Variants in PABPC1L observed in about 807,000 individuals in gnomAD.
PABPC1L encodes polyadenylate-binding protein 1-like.
A neutral mutation model predicts 66.6 loss-of-function variants in PABPC1L; 31 were observed. The ratio of observed to expected loss-of-function variants is 0.47; its 90% CI spans 0.35 to 0.63. The LOEUF (loss-of-function observed/expected upper bound fraction) is 0.63. PABPC1L is among the 20% of genes least tolerant of loss of function. The pLI is 0.00. For missense variants in PABPC1L, 722 were observed against 848.8 expected, an observed-to-expected ratio of 0.85 and a Z score of 1.86; for synonymous variants, 348 against 335.1, an observed-to-expected ratio of 1.04 and a Z score of -0.42.
At chr20:44,935,620 T>A in intron 11 of PABPC1L, 123 bp downstream of exon 11, 1 of 695,522 alleles carries the variant, frequency 1.4e-6, no homozygotes, top group Middle Eastern at 4.0e-4. Flanking sequence ...CGTTTATTAA[T>A]GTGTACAATC....
chr20:44,935,288 A>G (rs1287924931), intron 10 of PABPC1L, 103 bp from the exon 11 acceptor site: 3 of 813,292 alleles, frequency 3.7e-6, no homozygotes, highest in African/African-American at 1.7e-5. Flanking sequence ...ATTCTTGTCA[A>G]CGCTTGTTAT....
chr20:44,930,354 C>A (rs1026257366), intron 7 of PABPC1L, 106 bp from the exon 8 acceptor site: 17 of 1,423,644 alleles, frequency 1.2e-5, no homozygotes, highest in African/African-American at 1.4e-5. Flanking sequence ...AGCTTTCTCG[C>A]GGGCCTGCCC....
intron 7 of PABPC1L, among the ~76,000 whole-genome samples, chr20:44,928,546 T>C (rs935898792): frequency 5.9e-5 from 9 of 152,060 alleles, no homozygotes; most frequent in African/African-American, 2.4e-5. Flanking sequence ...CCCCCTAAAT[T>C]GTATCCATGA....
At chr20:44,918,755 T>TA (rs907446281) in intron 3 of PABPC1L, 151 bp from the exon 4 acceptor site, 2 of 820,246 alleles carry the variant, frequency 2.4e-6, no homozygotes, top group African/African-American at 3.5e-5. Context: ...AGCCGGGCCT[T>TA]GGGGATGTTC....
intron 7 of PABPC1L, among the ~76,000 whole-genome samples, chr20:44,926,269 C>T (rs538458253): frequency 1.3e-5 from 2 of 152,258 alleles, no homozygotes; most frequent in Non-Finnish European, 2.9e-5. Context: ...CTCTGTTGCC[C>T]AGGCTAGAGT....
At chr20:44,933,219 G>A (rs751886073) in intron 10 of PABPC1L, 34 bp downstream of exon 10, 1 of 1,555,624 alleles carries the variant, frequency 6.4e-7, no homozygotes, top group Non-Finnish European at 8.7e-7. Context: ...GAATGGGGGT[G>A]GGGCAAAGTT....
intron 7 of PABPC1L, among the ~76,000 whole-genome samples, chr20:44,925,598 G>A (rs778632341): frequency 1.3e-5 from 2 of 152,188 alleles, no homozygotes; most frequent in African/African-American, 2.4e-5. Flanking sequence ...ATGATGTGAT[G>A]TTGGGTTCTG....
intron 6 of PABPC1L, among the ~76,000 whole-genome samples, chr20:44,923,556 G>T (rs1229643267): frequency 6.6e-6 from 1 of 151,886 alleles, no homozygotes; most frequent in Non-Finnish European, 1.5e-5. Context: ...TTGAACCCGC[G>T]AGGCAGAGGT....
chr20:44,919,056 C>G lies in PABPC1L; in HGVS notation c.643+11C>G. On this transcript the variant is annotated intron_variant, in intron 4 of 14. Coordinates refer to ENST00000217073, the MANE Select transcript of PABPC1L (RefSeq NM_001372179.1). ...TCTTCTCCCAGTTTGGTGGGTGTGT[C>G]CCCAAGGGAGCGGGGGGATCACTGT... 6.2e-7 allele frequency: 1 copy of G among 1,610,916 alleles called. No homozygotes were observed. The highest frequency in any genetic ancestry group is 1.1e-5 in the South Asian group (1 of 90,652).
chr20:44,932,322 G>C lies in PABPC1L; in HGVS notation c.1240-20G>C, dbSNP rs977766677. 5 of 1,589,584 alleles carry C rather than the reference G, an allele frequency of 3.1e-6. No homozygotes were observed. Among genetic ancestry groups the C allele is most frequent in the Non-Finnish European group, 4.3e-6 (5 of 1,163,168 alleles). Reference sequence around the variant, plus strand: ...CCCTGCCGCCAAGCCCCTCAGTCTGGGTCTTCTTTTCCCATGCAGCCTCCA... The same window carrying C: ...CCCTGCCGCCAAGCCCCTCAGTCTGCGTCTTCTTTTCCCATGCAGCCTCCA... On this transcript the variant is annotated intron_variant, in intron 8 of 14. Coordinates refer to ENST00000217073, the MANE Select transcript of PABPC1L (RefSeq NM_001372179.1).
rs1409510424 is a variant in PABPC1L, at chr20:44,939,131, G to C, written c.*12G>C. 1.4e-6 allele frequency: 1 copy of C among 717,844 alleles called. No homozygotes were observed. Among genetic ancestry groups the C allele is most frequent in the Non-Finnish European group, 2.6e-6 (1 of 385,210 alleles). The allele number at this position is 717,844 out of a possible 1,614,324, so 44.5% of individuals were successfully genotyped here. A position where few individuals can be genotyped will look rare whatever the true frequency, so the allele number is the denominator to read the frequency against. On this transcript the variant is annotated 3_prime_UTR_variant, in exon 15 of 15. Coordinates refer to ENST00000217073, the MANE Select transcript of PABPC1L (RefSeq NM_001372179.1). The stretch of plus-strand genomic sequence containing the variant: ...TTTTACCTTTTTGTCCTCAGAAAAG[G>C]AAATCCTCGCTTCCATGGCTGCCAA...
chr20:44,912,938 A>G lies in PABPC1L; in HGVS notation c.387+85A>G. The stretch of plus-strand genomic sequence containing the variant: ...GGGGTGACAAGCAACACCTCACTTT[A>G]CAGTTTACAAGGTCCTTTCAGTCAA... On this transcript the variant is annotated intron_variant, in intron 2 of 14. Coordinates refer to ENST00000217073, the MANE Select transcript of PABPC1L (RefSeq NM_001372179.1). 4 of 1,308,562 alleles carry G rather than the reference A, an allele frequency of 3.1e-6. No individual in the cohort carries two copies. In the South Asian group the frequency reaches 5.8e-5, roughly 19 times the overall value. 81.1% of individuals were successfully genotyped at this position (1,308,562 alleles called of 1,614,324 possible). A position where few individuals can be genotyped will look rare whatever the true frequency, so the allele number is the denominator to read the frequency against.
chr20:44,922,974 C>G (rs2066784518), intron 6 of PABPC1L, among the ~76,000 whole-genome samples: 1 of 152,240 alleles, frequency 6.6e-6, no homozygotes, highest in Non-Finnish European at 1.5e-5. Flanking sequence ...CACATACATC[C>G]TCTTGTGTAC....
At chr20:44,928,064 ATTATTT>A (rs746228262) in intron 7 of PABPC1L, among the ~76,000 whole-genome samples, 50 of 152,196 alleles carry the variant, frequency 3.3e-4, no homozygotes, top group Middle Eastern at 6.8e-3. Context: ...TGCTTCTTTT[ATTATTT>A]TTATTTTTAT....
intron 4 of PABPC1L, 22 bp downstream of exon 4, chr20:44,919,067 C>A: frequency 6.2e-7 from 1 of 1,610,100 alleles, no homozygotes; most frequent in Non-Finnish European, 8.5e-7. Flanking sequence ...CCCAAGGGAG[C>A]GGGGGGATCA....
chr20:44,912,674 G>A lies in PABPC1L; in HGVS notation c.208G>A (p.Asp70Asn), dbSNP rs1249614336. 6.2e-7 allele frequency: 1 copy of A among 1,613,218 alleles called. No homozygotes were observed. The highest frequency in any genetic ancestry group is 8.5e-7 in the Non-Finnish European group (1 of 1,179,336). ...QQPADAERAL[D>N]TMNFEMLKGQ... ...CTTCTGTCCAGCGGAGCGGGCACTGGACACAATGAACTTTGAGATGCTCAA... is the reference window on the plus strand; with the variant it reads ...CTTCTGTCCAGCGGAGCGGGCACTGAACACAATGAACTTTGAGATGCTCAA... The change falls in exon 2 of 15, where the codon GAC becomes AAC. Residue 70 changes from aspartate (D) to asparagine (N), a missense_variant. Asp to Asn is a conservative substitution (Grantham distance 23, BLOSUM62 1). Coordinates refer to ENST00000217073, the MANE Select transcript of PABPC1L (RefSeq NM_001372179.1).
At chr20:44,930,074 G>C (rs894063662) in intron 7 of PABPC1L, among the ~76,000 whole-genome samples, 1 of 152,104 alleles carries the variant, frequency 6.6e-6, no homozygotes, top group Non-Finnish European at 1.5e-5. Flanking sequence ...TAAAGTGGGA[G>C]CCGCGATGCC....
rs1051182534 is a variant in PABPC1L at position 44,932,850 on chromosome 20, G to A, written c.1331-207G>A. The A allele has an allele frequency of 3.1e-5, 18 of 575,956 alleles. No individual in the cohort carries two copies. In the Admixed American group the frequency reaches 4.8e-4, roughly 15 times the overall value. 35.7% of individuals were successfully genotyped at this position (575,956 alleles called of 1,614,324 possible). A position where few individuals can be genotyped will look rare whatever the true frequency, so the allele number is the denominator to read the frequency against. ...GCAGTTTGGGGCTCTAGGTAGACACGAGCTGGCTTTGAAATTGTAGATTCC... is the reference window on the plus strand; with the variant it reads ...GCAGTTTGGGGCTCTAGGTAGACACAAGCTGGCTTTGAAATTGTAGATTCC... On this transcript the variant is annotated intron_variant, in intron 9 of 14. Coordinates refer to ENST00000217073, the MANE Select transcript of PABPC1L (RefSeq NM_001372179.1).
At position 44,912,888 on chromosome 20, in the gene PABPC1L, C is replaced by T. The variant is rs202073809; in HGVS notation, c.387+35C>T. ...GAAGGGTGTACGTCTTTGGGTAGAT[C>T]GGTGTCAACTACCTGCCTGGTAGAG... On this transcript the variant is annotated intron_variant, in intron 2 of 14. Coordinates refer to ENST00000217073, the MANE Select transcript of PABPC1L (RefSeq NM_001372179.1). 2,088 of 1,555,138 alleles carry T rather than the reference C, an allele frequency of 1.3e-3. 4 individuals are homozygous for T. Among genetic ancestry groups the T allele is most frequent in the Non-Finnish European group, 1.6e-3 (1,780 of 1,134,780 alleles).
Sources: allele counts gnomAD v4.1 joint callset (sites outside exome capture counted in the v4.1 genomes callset), GRCh38; gene constraint gnomAD v4.1.1; transcripts MANE v1.5; gene names NCBI Gene and HGNC (gene_info 2026-07-23, HGNC 2026-07-21).